Variants in CADPS observed in about 807,000 individuals in gnomAD.
The protein encoded by CADPS is calcium-dependent secretion activator 1.
Under a neutral mutation model 167.3 loss-of-function variants are expected in CADPS, and 57 were observed. The ratio of observed to expected loss-of-function variants is 0.34; its 90% confidence interval spans 0.28 to 0.42. The LOEUF (loss-of-function observed/expected upper bound fraction) is 0.42, where lower values mean the gene tolerates loss of function less well. Among genes scored for constraint, CADPS ranks in the 20% least tolerant of loss-of-function variants. The probability of loss-of-function intolerance (pLI) is 1.00; values close to 1 mark genes in which losing one functional copy is unlikely to be tolerated. For synonymous variants in CADPS, 676 were observed against 635.3 expected (o/e 1.06, Z -0.96); for missense variants, 1,414 against 1,738.1 (o/e 0.81, Z 3.32).
At chr3:62,517,033 C>G (rs1420740313) in intron 14 of CADPS, among the ~76,000 whole-genome samples, 1 of 152,006 alleles carries the variant, frequency 6.6e-6, no homozygotes, top group South Asian at 2.1e-4. Flanking sequence ...ACTTAAGTCC[C>G]CAAAAGATCA....
chr3:62,467,724 C>G (rs556224679), intron 24 of CADPS, among the ~76,000 whole-genome samples: 1 of 152,090 alleles, frequency 6.6e-6, no homozygotes, highest in African/African-American at 2.4e-5. Context: ...GATTTTGGAA[C>G]GGGAACAAAG....
Position 62,753,061 on chromosome 3 carries a change from C to T in CADPS, c.888+380G>A, listed in dbSNP as rs1043544251. Among the ~76,000 whole-genome samples the T allele has an allele frequency of 1.3e-5, 2 of 152,142 alleles. No individual in the cohort carries two copies. Among genetic ancestry groups the T allele is most frequent in the African/African-American group, 2.4e-5 (1 of 41,428 alleles). On this transcript the variant is annotated intron_variant, in intron 3 of 29. Transcript: ENST00000383710. This position sits in a 1 kb window ranked among gnomAD's most constrained non-coding sequence, Gnocchi z 4.6. ...CAGGTGCTAAGTTCAGTAGTCTTCC[C>T]AGCTGAGGAAGCACAAGCCCTTCAA...
chr3:62,629,141 A>G (rs1292462408), intron 6 of CADPS, among the ~76,000 whole-genome samples: 2 of 152,164 alleles, frequency 1.3e-5, no homozygotes, highest in Non-Finnish European at 2.9e-5. Flanking sequence ...GATCATTTAC[A>G]TATCATAAAA....
chr3:62,869,779 CAGTT>C, intron 1 of CADPS, among the ~76,000 whole-genome samples: 1 of 152,136 alleles, frequency 6.6e-6, no homozygotes, highest in Middle Eastern at 3.2e-3. Context: ...AGTAACTGGT[CAGTT>C]ATTTAGAACT....
At chr3:62,404,647 A>G (rs1015894187) in intron 28 of CADPS, 2 of 151,958 alleles carry the variant, frequency 1.3e-5, no homozygotes, top group Admixed American at 6.6e-5. Flanking sequence ...CAGAGACCAC[A>G]CTACCCCAAT....
At chr3:62,634,786 A>G (rs2065955705) in intron 6 of CADPS, among the ~76,000 whole-genome samples, 1 of 152,160 alleles carries the variant, frequency 6.6e-6, no homozygotes, top group Non-Finnish European at 1.5e-5. Context: ...TGTTTGTGCC[A>G]TTAGATTGTG....
chr3:62,794,988 T>C (rs1051595488), intron 1 of CADPS, among the ~76,000 whole-genome samples: 1 of 152,076 alleles, frequency 6.6e-6, no homozygotes, highest in Non-Finnish European at 1.5e-5. Context: ...TCAGGGGGCC[T>C]TTCTCTGCAG....
At chr3:62,640,255 C>A (rs1170912071) in intron 6 of CADPS, among the ~76,000 whole-genome samples, 1 of 152,122 alleles carries the variant, frequency 6.6e-6, no homozygotes, top group African/African-American at 2.4e-5. Flanking sequence ...ACACAGAAAA[C>A]ATTTTGCTTA....
At chr3:62,655,162 A>C (rs901320381) in intron 4 of CADPS, among the ~76,000 whole-genome samples, 1 of 152,214 alleles carries the variant, frequency 6.6e-6, no homozygotes, top group African/African-American at 2.4e-5. Context: ...GAAAACAAGG[A>C]CATTTTTCTG....
At chr3:62,661,862 G>T (rs1440701921) in intron 4 of CADPS, among the ~76,000 whole-genome samples, 7 of 152,264 alleles carry the variant, frequency 4.6e-5, no homozygotes, top group South Asian at 2.1e-4. Context: ...ACTGAGTGTG[G>T]AACATTGCAG....
intron 3 of CADPS, among the ~76,000 whole-genome samples, chr3:62,711,149 A>T (rs2083322929): frequency 6.6e-6 from 1 of 152,202 alleles, no homozygotes; most frequent in Non-Finnish European, 1.5e-5. Flanking sequence ...AATATATGAT[A>T]TTATAAAGGC....
chr3:62,660,210 C>T (rs938202400), intron 4 of CADPS, among the ~76,000 whole-genome samples: 2 of 152,002 alleles, frequency 1.3e-5, no homozygotes, highest in Non-Finnish European at 2.9e-5. Context: ...ATTAAAGGTG[C>T]CATGAGCTTG....
chr3:62,598,391 C>G (rs1010748739), intron 6 of CADPS, among the ~76,000 whole-genome samples: 1 of 152,174 alleles, frequency 6.6e-6, no homozygotes, highest in Non-Finnish European at 1.5e-5. Flanking sequence ...GCTTCCTACT[C>G]TTAGTAGAAT....
intron 1 of CADPS, chr3:62,779,325 CTT>C: frequency 2.5e-6 from 1 of 402,110 alleles, no homozygotes; most frequent in Non-Finnish European, 5.0e-6. Flanking sequence ...CAGTGGTCAT[CTT>C]TTTTTCTGGA....
At chr3:62,574,284 G>A (rs2081872083) in intron 8 of CADPS, among the ~76,000 whole-genome samples, 1 of 152,102 alleles carries the variant, frequency 6.6e-6, no homozygotes, top group Non-Finnish European at 1.5e-5. Flanking sequence ...AACTATGGCA[G>A]GGTTTTAAGA....
rs991496686 is a variant in CADPS, at chr3:62,399,244, C to T, written c.*162G>A. ...TCAGGAAATCAGTGGATATGAAGGTCATTTGCTAATCTTGGTACCACATAG... is the reference window on the plus strand; with the variant it reads ...TCAGGAAATCAGTGGATATGAAGGTTATTTGCTAATCTTGGTACCACATAG... On this transcript the variant is annotated 3_prime_UTR_variant, in exon 30 of 30. Transcript: ENST00000383710. This position sits in a 1 kb window ranked among gnomAD's most constrained non-coding sequence, Gnocchi z 5.6. The T allele has an allele frequency of 1.6e-6, 1 of 614,340 alleles. No individual in the cohort carries two copies. Among genetic ancestry groups the T allele is most frequent in the Non-Finnish European group, 2.9e-6 (1 of 350,304 alleles). 38.1% of individuals were successfully genotyped at this position (614,340 alleles called of 1,614,324 possible). A position where few individuals can be genotyped will look rare whatever the true frequency, so the allele number is the denominator to read the frequency against.
At chr3:62,864,969 A>G (rs973784077) in intron 1 of CADPS, among the ~76,000 whole-genome samples, 3 of 152,200 alleles carry the variant, frequency 2.0e-5, no homozygotes, top group Non-Finnish European at 4.4e-5. Context: ...AGTTTCTCAT[A>G]CATAGAAGTG....
chr3:62,869,099 A>C (rs972798428), intron 1 of CADPS, among the ~76,000 whole-genome samples: 6 of 152,112 alleles, frequency 3.9e-5, no homozygotes, highest in African/African-American at 1.2e-4. Flanking sequence ...CTAATCCAAA[A>C]ATCTGAAATC....
chr3:62,707,230 G>A (rs1427353882), intron 3 of CADPS, among the ~76,000 whole-genome samples: 30 of 152,066 alleles, frequency 2.0e-4, no homozygotes, highest in Admixed American at 2.0e-3. Context: ...ATTGTGAACT[G>A]CACATGTGAG....
Sources: gnomAD v4.1 joint callset for allele counts (sites outside exome capture counted in the v4.1 genomes callset) on GRCh38, gnomAD v4.1.1 for gene constraint, Gnocchi (gnomAD v3.1) non-coding constraint, MANE v1.5 for transcripts, NCBI Gene and HGNC (gene_info 2026-07-23, HGNC 2026-07-21) for gene names.